Variants in MAP2K1 observed in about 807,000 individuals in gnomAD.
The protein encoded by MAP2K1 is dual specificity mitogen-activated protein kinase kinase 1.
MAP2K1 carries 16 observed loss-of-function variants against 46.3 expected under a neutral mutation model. The observed-to-expected ratio is 0.35, with a 90% CI of 0.23 to 0.52. The LOEUF is 0.52. MAP2K1 is among the 20% of genes least tolerant of loss of function. The pLI is 0.94. For missense variants in MAP2K1, 263 were observed against 497.1 expected, an observed-to-expected ratio of 0.53 and a Z score of 4.48; for synonymous variants, 183 against 185.6, an observed-to-expected ratio of 0.99 and a Z score of 0.11.
intron 6 of MAP2K1, among the ~76,000 whole-genome samples, chr15:66,483,748 CTT>C (rs750947705): frequency 2.3e-5 from 3 of 131,084 alleles, no homozygotes; most frequent in East Asian, 2.2e-4. Context: ...CATACATTTT[CTT>C]TTTTTTTTTT....
At chr15:66,477,846 A>G (rs1892793168) in intron 5 of MAP2K1, among the ~76,000 whole-genome samples, 2 of 151,900 alleles carry the variant, frequency 1.3e-5, no homozygotes, top group Non-Finnish European at 2.9e-5. Context: ...GCGCTGTCAC[A>G]CCCCTTACCC....
rs530252769 is a variant in MAP2K1, at chr15:66,387,179, A to G, written c.-169A>G. On this transcript the variant is annotated 5_prime_UTR_variant, in exon 1 of 11. Transcript: ENST00000307102. ...GGGGCGGGGGTCCACTGAGACCGCT[A>G]CCGGCCCCTCGGCGCTGACGGGACC... is the stretch of plus-strand genomic sequence containing the variant. The G allele has an allele frequency of 5.3e-5, 27 of 513,224 alleles. No individual in the cohort carries two copies. Among genetic ancestry groups the G allele is most frequent in the African/African-American group, 1.8e-4 (9 of 49,110 alleles). The allele number at this position is 513,224 out of a possible 1,614,324, so 31.8% of individuals were successfully genotyped here.
At position 66,387,526 on chromosome 15, in the gene MAP2K1, C is replaced by T. The variant is rs928727939; in HGVS notation, c.80+99C>T. The T allele has an allele frequency of 4.2e-5, 51 of 1,224,384 alleles. No individual in the cohort carries two copies. The African/African-American group carries it at 6.8e-4, about 16-fold the overall frequency. 75.8% of individuals were successfully genotyped at this position (1,224,384 alleles called of 1,614,324 possible). On this transcript the variant is annotated intron_variant, in intron 1 of 10. Coordinates refer to ENST00000307102, the MANE Select transcript of MAP2K1 (RefSeq NM_002755.4). ...AGGCTCCGATCTGGTTTGTCACGTACGTCTGGGGCTGGCAGGGGGCGAGAA... is the reference window on the plus strand; with the variant it reads ...AGGCTCCGATCTGGTTTGTCACGTATGTCTGGGGCTGGCAGGGGGCGAGAA...
intron 1 of MAP2K1, among the ~76,000 whole-genome samples, chr15:66,422,728 G>T (rs2140558821): frequency 6.6e-6 from 1 of 152,134 alleles, no homozygotes; most frequent in South Asian, 2.1e-4. Context: ...GTATTGCTTA[G>T]GGTGCCCTGT....
intron 3 of MAP2K1, among the ~76,000 whole-genome samples, 171 bp from the exon 4 acceptor site, chr15:66,443,109 A>G (rs2093509256): frequency 3.3e-5 from 3 of 91,134 alleles, no homozygotes; most frequent in African/African-American, 4.3e-5. Context: ...TTTTTTTGAG[A>G]CAGAGTCTCG....
intron 1 of MAP2K1, among the ~76,000 whole-genome samples, chr15:66,406,753 G>A (rs1282225857): frequency 6.6e-6 from 1 of 152,174 alleles, no homozygotes; most frequent in Non-Finnish European, 1.5e-5. Context: ...GCAACAGGCT[G>A]GGTGCGGTGG....
At chr15:66,440,795 A>G (rs1360282604) in intron 3 of MAP2K1, among the ~76,000 whole-genome samples, 1 of 152,260 alleles carries the variant, frequency 6.6e-6, no homozygotes, top group Non-Finnish European at 1.5e-5. Context: ...GGACTTGGCA[A>G]CAGTGAATTA....
intron 1 of MAP2K1, among the ~76,000 whole-genome samples, chr15:66,429,767 G>A (rs1435007804): frequency 2.0e-5 from 3 of 147,916 alleles, no homozygotes; most frequent in Non-Finnish European, 3.0e-5. Context: ...CCTCTTTCAG[G>A]TCCATTCTCC....
At chr15:66,490,413 A>G (rs772326433) in intron 10 of MAP2K1, 89 bp from the exon 11 acceptor site, 2 of 954,216 alleles carry the variant, frequency 2.1e-6, no homozygotes, top group Non-Finnish European at 1.7e-6. Flanking sequence ...CACAAGCTCT[A>G]GACCTGAAAC....
At chr15:66,442,581 C>T (rs544425249) in intron 3 of MAP2K1, among the ~76,000 whole-genome samples, 18 of 152,154 alleles carry the variant, frequency 1.2e-4, no homozygotes, top group Admixed American at 2.0e-4. Context: ...ACTCCCAGAC[C>T]GTGTTTTTCC....
intron 8 of MAP2K1, chr15:66,488,990 C>CAT: frequency 3.3e-6 from 2 of 604,818 alleles, no homozygotes; most frequent in Admixed American, 2.8e-5. Flanking sequence ...GGTCCCAATT[C>CAT]TAAATGTGCT....
At position 66,477,727 on chromosome 15, in the gene MAP2K1, T is replaced by C. The variant is rs561719561; in HGVS notation, c.569-4028T>C. On this transcript the variant is annotated intron_variant, in intron 5 of 10. Transcript: ENST00000307102. ...GCCCATGGGGAGAGTGTGGGCCGGG[T>C]GAGGGAGCCTGGTGCCGTGTGGCCT... Among the ~76,000 whole-genome samples, 22 of 152,112 alleles carry C rather than the reference T, an allele frequency of 1.4e-4. 1 individual carries two copies. In the South Asian group the frequency reaches 4.6e-3, roughly 32 times the overall value.
chr15:66,458,252 C>T (rs182787333), intron 5 of MAP2K1, among the ~76,000 whole-genome samples: 4 of 152,266 alleles, frequency 2.6e-5, no homozygotes, highest in African/African-American at 7.2e-5. Flanking sequence ...GCCACCCTGC[C>T]GTTCTTAACC....
intron 1 of MAP2K1, among the ~76,000 whole-genome samples, chr15:66,396,408 A>G (rs1337399579): frequency 6.6e-6 from 1 of 151,508 alleles, no homozygotes; most frequent in African/African-American, 2.4e-5. Context: ...TAGCTATGAT[A>G]ACAGGCACAC....
intron 1 of MAP2K1, among the ~76,000 whole-genome samples, chr15:66,432,961 T>TGTGTGTGTGTGTGTGTGTGTGTGTGTGA (rs2140574866): frequency 7.1e-6 from 1 of 139,950 alleles, no homozygotes; most frequent in African/African-American, 2.8e-5. Flanking sequence ...TCATGCACAG[T>TGTGTGTGTGTGTGTGTGTGTGTGTGTGA]GTGTGTGTGT....
At chr15:66,472,075 C>CAAAAAA (rs56820379) in intron 5 of MAP2K1, among the ~76,000 whole-genome samples, 5 of 91,538 alleles carry the variant, frequency 5.5e-5, no homozygotes, top group Non-Finnish European at 8.2e-5. Flanking sequence ...GACTCCATCT[C>CAAAAAA]AAAAAAAAAA....
intron 1 of MAP2K1, among the ~76,000 whole-genome samples, chr15:66,419,224 T>C (rs1051784502): frequency 5.3e-5 from 8 of 151,926 alleles, no homozygotes; most frequent in African/African-American, 1.9e-4. Context: ...AGCCTGATCC[T>C]TTAAAAATTA....
chr15:66,419,447 G>T (rs1396342499), intron 1 of MAP2K1, among the ~76,000 whole-genome samples: 1 of 151,860 alleles, frequency 6.6e-6, no homozygotes, highest in African/African-American at 2.4e-5. Context: ...TTGAACCTGG[G>T]AGGTGGAGGT....
At chr15:66,390,226 A>G (rs541574284) in intron 1 of MAP2K1, among the ~76,000 whole-genome samples, 1 of 152,282 alleles carries the variant, frequency 6.6e-6, no homozygotes, top group African/African-American at 2.4e-5. Flanking sequence ...ACAAACAGGG[A>G]CTGTTTCCCT....
Sources: allele counts gnomAD v4.1 joint callset (sites outside exome capture counted in the v4.1 genomes callset), GRCh38; gene constraint gnomAD v4.1.1; transcripts MANE v1.5; gene names NCBI Gene and HGNC (gene_info 2026-07-23, HGNC 2026-07-21).